The following NBAS variants were observed in gnomAD, a reference collection of about 807,000 sequenced individuals.
The protein encoded by NBAS is NAG/BC035112 fusion.
Under a neutral mutation model 302.5 loss-of-function variants are expected in NBAS, and 219 were observed. The observed-to-expected ratio is 0.72, with a 90% CI of 0.65 to 0.81. NBAS has a LOEUF of 0.81. NBAS is among the 30% of genes least tolerant of loss of function. The pLI, the probability that NBAS is intolerant of heterozygous loss-of-function variation, is 0.00. For synonymous variants in NBAS, 1,118 were observed against 1,021.6 expected, an observed-to-expected ratio of 1.09 and a Z score of -1.80; for missense variants, 2,932 against 2,841.6, an observed-to-expected ratio of 1.03 and a Z score of -0.72.
At chr2:15,361,883 G>A (rs1010399325) in intron 32 of NBAS, among the ~76,000 whole-genome samples, 1 of 152,028 alleles carries the variant, frequency 6.6e-6, no homozygotes, top group African/African-American at 2.4e-5. Context: ...GGGAAGCTGA[G>A]GCAGGAGAAT....
chr2:14,846,535 T>A, the NBAS span, among the ~76,000 whole-genome samples: 1 of 139,456 alleles, frequency 7.2e-6, no homozygotes, highest in African/African-American at 3.2e-5. Flanking sequence ...CTATATAATA[T>A]GATAAAACTG....
At chr2:15,010,736 C>G in the NBAS span, among the ~76,000 whole-genome samples, 7 of 152,266 alleles carry the variant, frequency 4.6e-5, no homozygotes, top group Non-Finnish European at 8.8e-5. Flanking sequence ...GGAGTGGGAG[C>G]TATGATTATC....
intron 38 of NBAS, among the ~76,000 whole-genome samples, chr2:15,325,992 A>G (rs1336057043): frequency 2.0e-5 from 3 of 152,182 alleles, no homozygotes; most frequent in Admixed American, 2.0e-4. Context: ...ACCCAAGAAG[A>G]AGGAGAGAGA....
At chr2:15,536,870 C>G (rs190924800) in intron 7 of NBAS, among the ~76,000 whole-genome samples, 1 of 152,262 alleles carries the variant, frequency 6.6e-6, no homozygotes, top group Non-Finnish European at 1.5e-5. Flanking sequence ...CATTCAGCCT[C>G]AAAAAACTCT....
In NBAS at chr2:15,211,064, C is replaced by T. The variant is rs149030430; in HGVS notation, c.6432+7709G>A. ...AAATAAGACTTAGTATCTGCTAACA[C>T]AACAGGATGACTATAGTAAAAAATA... On this transcript the variant is annotated intron_variant, in intron 48 of 51. Transcript: ENST00000281513. 2.7e-3 allele frequency among the ~76,000 whole-genome samples: 412 copies of T among 152,122 alleles called. 4 individuals are homozygous for T. Among genetic ancestry groups the T allele is most frequent in the African/African-American group, 9.5e-3 (394 of 41,506 alleles).
chr2:15,147,336 G>A, the NBAS span, among the ~76,000 whole-genome samples: 5 of 152,124 alleles, frequency 3.3e-5, no homozygotes, highest in African/African-American at 9.7e-5. Context: ...GCTCATACCT[G>A]TAATCCCAGC....
the NBAS span, among the ~76,000 whole-genome samples, chr2:15,050,317 T>C: frequency 3.3e-5 from 5 of 152,280 alleles, no homozygotes; most frequent in South Asian, 6.2e-4. Flanking sequence ...CTTTCCTTTT[T>C]TTCATTCGCC....
chr2:15,157,467 T>C, the NBAS span, among the ~76,000 whole-genome samples: 1 of 152,186 alleles, frequency 6.6e-6, no homozygotes, highest in African/African-American at 2.4e-5. Flanking sequence ...GCTCCCAGTG[T>C]GCGTTTAGGG....
chr2:14,906,007 A>G, the NBAS span, among the ~76,000 whole-genome samples: 1 of 152,176 alleles, frequency 6.6e-6, no homozygotes, highest in Admixed American at 6.5e-5. Context: ...GAGCTTCCCA[A>G]GGGCAAGGAA....
chr2:15,267,326 G>C (rs573038408), intron 44 of NBAS, among the ~76,000 whole-genome samples: 1 of 152,116 alleles, frequency 6.6e-6, no homozygotes, highest in Non-Finnish European at 1.5e-5. Context: ...CCTTATTCAG[G>C]CCAGAATCAA....
chr2:14,823,583 T>C, the NBAS span, among the ~76,000 whole-genome samples: 1 of 152,222 alleles, frequency 6.6e-6, no homozygotes, highest in Non-Finnish European at 1.5e-5. Context: ...TCCTATCCCA[T>C]GTCCCATTAC....
At chr2:14,863,962 T>C in the NBAS span, among the ~76,000 whole-genome samples, 1 of 152,064 alleles carries the variant, frequency 6.6e-6, no homozygotes, top group Non-Finnish European at 1.5e-5. Flanking sequence ...AAAAGCTAAT[T>C]TTCTACAAAT....
intron 25 of NBAS, among the ~76,000 whole-genome samples, chr2:15,408,674 C>T (rs542646110): frequency 1.3e-5 from 2 of 152,294 alleles, no homozygotes; most frequent in Non-Finnish European, 2.9e-5. Flanking sequence ...ATGCAGTATA[C>T]TATGTGGCTT....
chr2:15,557,833 A>T (rs1558437757), intron 2 of NBAS, among the ~76,000 whole-genome samples: 1 of 152,294 alleles, frequency 6.6e-6, no homozygotes, highest in East Asian at 1.9e-4. Context: ...CCGTCATGGC[A>T]CCAGCTCAGT....
intron 12 of NBAS, 114 bp downstream of exon 12, chr2:15,488,780 T>C: frequency 7.4e-7 from 1 of 1,353,598 alleles, no homozygotes; most frequent in Non-Finnish European, 1.0e-6. Flanking sequence ...TAGAAGAGCT[T>C]TGGAACGATG....
chr2:15,304,015 G>A (rs1023948899), intron 40 of NBAS, among the ~76,000 whole-genome samples: 1 of 152,204 alleles, frequency 6.6e-6, no homozygotes, highest in African/African-American at 2.4e-5. Context: ...CTCAGAAGCA[G>A]GGTGTGGCAC....
Position 15,518,986 on chromosome 2 carries a change from G to A in NBAS, c.747-7636C>T, listed in dbSNP as rs567248754. Among the ~76,000 whole-genome samples, 7 of 152,152 alleles carry A rather than the reference G, an allele frequency of 4.6e-5. No individual in the cohort carries two copies. The South Asian group carries it at 1.0e-3, about 23-fold the overall frequency. On this transcript the variant is annotated intron_variant, in intron 9 of 51. Transcript: ENST00000281513. ...CCCTCCCACAACACGTGGAAATTACGGGAGCTACAAGATGAGATTTGGGTG... is the reference window on the plus strand; with the variant it reads ...CCCTCCCACAACACGTGGAAATTACAGGAGCTACAAGATGAGATTTGGGTG...
At chr2:14,780,709 C>T in the NBAS span, among the ~76,000 whole-genome samples, 4 of 152,214 alleles carry the variant, frequency 2.6e-5, no homozygotes, top group Middle Eastern at 3.2e-3. Flanking sequence ...ACCCCACTTT[C>T]ACCCCAAATA....
chr2:14,879,007 T>C, the NBAS span, among the ~76,000 whole-genome samples: 1 of 152,192 alleles, frequency 6.6e-6, no homozygotes, highest in Non-Finnish European at 1.5e-5. Context: ...TTTCACTATA[T>C]CCATAGTTTT....
Sources: allele counts gnomAD v4.1 joint callset (sites outside exome capture counted in the v4.1 genomes callset), GRCh38; gene constraint gnomAD v4.1.1; transcripts MANE v1.5; gene names NCBI Gene and HGNC (gene_info 2026-07-23, HGNC 2026-07-21).